Variants in ALDH7A1 observed in about 807,000 individuals in gnomAD.
The protein encoded by ALDH7A1 is aldehyde dehydrogenase 7 family member A1.
ALDH7A1 carries 63 observed loss-of-function variants against 79.9 expected under a neutral mutation model. That is an observed-to-expected ratio of 0.79 (90% CI 0.64 to 0.97). ALDH7A1 has a LOEUF of 0.97. ALDH7A1 is among the 50% of genes least tolerant of loss of function. The probability of loss-of-function intolerance (pLI) is 0.00; values close to 1 mark genes in which losing one functional copy is unlikely to be tolerated. For synonymous variants in ALDH7A1, 240 were observed against 231.2 expected, an observed-to-expected ratio of 1.04 and a Z score of -0.34; for missense variants, 627 against 665.2, an observed-to-expected ratio of 0.94 and a Z score of 0.63.
At chr5:126,556,488 C>G (rs1222691054) in intron 11 of ALDH7A1, among the ~76,000 whole-genome samples, 1 of 152,158 alleles carries the variant, frequency 6.6e-6, no homozygotes, top group Non-Finnish European at 1.5e-5. Context: ...AGGTGATCCA[C>G]CCACCTCAGT....
chr5:126,549,798 T>C, intron 16 of ALDH7A1, 131 bp downstream of exon 16: 2 of 877,334 alleles, frequency 2.3e-6, no homozygotes, highest in Non-Finnish European at 3.9e-6. Context: ...CTTTTTCAGA[T>C]ATGTTAGATC....
Position 126,554,279 on chromosome 5 carries a change from T to A in ALDH7A1, c.1200+8A>T, listed in dbSNP as rs1750101489. 4.3e-6 allele frequency: 7 copies of A among 1,611,398 alleles called. No homozygotes were observed. The highest frequency in any genetic ancestry group is 5.9e-6 in the Non-Finnish European group (7 of 1,178,002). On this transcript the variant is annotated splice_region_variant and intron_variant, in intron 13 of 17. Transcript: ENST00000409134. ...AGCTGTCACAATTGATCTCAGAGCA[T>A]CCCTTACCTTGCCCCCATAGACCAC...
intron 10 of ALDH7A1, among the ~76,000 whole-genome samples, chr5:126,560,121 C>A (rs918633814): frequency 6.6e-6 from 1 of 152,068 alleles, no homozygotes; most frequent in Non-Finnish European, 1.5e-5. Context: ...CAGTACCCGG[C>A]AGACACTAGT....
chr5:126,573,656 C>T (rs929969690), intron 7 of ALDH7A1, among the ~76,000 whole-genome samples: 44 of 150,624 alleles, frequency 2.9e-4, no homozygotes, highest in Non-Finnish European at 5.6e-4. Context: ...CGAGATCGCA[C>T]CACTGCACTC....
At chr5:126,570,015 T>C (rs1750720557) in intron 8 of ALDH7A1, 1 of 152,282 alleles carries the variant, frequency 6.6e-6, no homozygotes, top group East Asian at 1.9e-4. Context: ...GTCATCTTAA[T>C]ATCATGCCAA....
rs1284015601 is a variant in ALDH7A1 at position 126,593,360 on chromosome 5, T to C, written c.237A>G (p.Arg79=). Residue 79 remains arginine (R), a synonymous_variant, in exon 2 of 18, where the codon AGA becomes AGG. Transcript: ENST00000409134. ...YCPANNEPIA[R]VRQASVADYE... is the part of the protein sequence containing the mutation. ...ACACACACACTCTTACCTGTCGGACTCTTGCTATTGGCTCGTTGTTAGCAG... is the reference window on the plus strand; with the variant it reads ...ACACACACACTCTTACCTGTCGGACCCTTGCTATTGGCTCGTTGTTAGCAG... 2 of 1,611,402 alleles carry C rather than the reference T, an allele frequency of 1.2e-6. No homozygotes were observed. Among genetic ancestry groups the C allele is most frequent in the South Asian group, 2.2e-5 (2 of 90,952 alleles).
At chr5:126,559,114 T>C (rs1230331006) in intron 11 of ALDH7A1, 126 bp downstream of exon 11, 4 of 774,052 alleles carry the variant, frequency 5.2e-6, no homozygotes, top group African/African-American at 5.1e-5. Flanking sequence ...CTGGACCACA[T>C]ATTTGCCAGC....
chr5:126,584,444 A>G (rs60755977), intron 3 of ALDH7A1: 84,830 of 205,538 alleles, frequency 0.41, 22,973 homozygotes, highest in African/African-American at 0.83. Context: ...GGCAGATCAC[A>G]AGGTCAGGAG....
At chr5:126,545,040 A>T (rs941060223) in intron 17 of ALDH7A1, 21 bp from the exon 18 acceptor site, 10 of 1,554,084 alleles carry the variant, frequency 6.4e-6, no homozygotes, top group Non-Finnish European at 8.9e-6. Flanking sequence ...AAAATAACAG[A>T]ATTAATGACA....
chr5:126,568,221 G>C, intron 9 of ALDH7A1, 38 bp downstream of exon 9: 1 of 1,586,532 alleles, frequency 6.3e-7, no homozygotes, highest in South Asian at 1.1e-5. Context: ...CTCCATATTT[G>C]AGAGAATTAA....
intron 10 of ALDH7A1, 104 bp from the exon 11 acceptor site, chr5:126,559,438 T>C: frequency 1.3e-6 from 1 of 789,060 alleles, no homozygotes; most frequent in Non-Finnish European, 2.0e-6. Flanking sequence ...GTTTTGGTTT[T>C]TTTTTTTTTT....
chr5:126,549,207 C>T (rs901756678), intron 16 of ALDH7A1, among the ~76,000 whole-genome samples: 1 of 151,574 alleles, frequency 6.6e-6, no homozygotes, highest in Non-Finnish European at 1.5e-5. Flanking sequence ...CAGTGGAGTG[C>T]AGGGGCAAGG....
intron 3 of ALDH7A1, chr5:126,586,713 T>A (rs929894275): frequency 5.3e-5 from 8 of 152,158 alleles, no homozygotes; most frequent in African/African-American, 1.9e-4. Context: ...TGTGAAGAGG[T>A]AGGCAAAGTG....
intron 5 of ALDH7A1, chr5:126,581,177 C>G (rs1581393093): frequency 1.3e-5 from 2 of 151,758 alleles, no homozygotes; most frequent in East Asian, 3.9e-4. Context: ...GTTAAAACCT[C>G]AGAGTATAAG....
At chr5:126,556,400 A>G (rs1343308177) in intron 11 of ALDH7A1, among the ~76,000 whole-genome samples, 13 of 151,402 alleles carry the variant, frequency 8.6e-5, no homozygotes, top group Admixed American at 8.6e-4. Flanking sequence ...CCACCACCAC[A>G]CCTGGCTAAT....
chr5:126,565,833 G>A (rs775953927), intron 9 of ALDH7A1, among the ~76,000 whole-genome samples: 1 of 152,182 alleles, frequency 6.6e-6, no homozygotes, highest in Non-Finnish European at 1.5e-5. Flanking sequence ...AGTACCATTT[G>A]TTAAAAAGAC....
chr5:126,564,676 T>G, intron 9 of ALDH7A1: 13 of 603,538 alleles, frequency 2.2e-5, no homozygotes, highest in South Asian at 8.6e-5. Flanking sequence ...ACACCAACTC[T>G]AGTCTCTGCT....
chr5:126,555,983 T>C lies in ALDH7A1; in HGVS notation c.1041A>G (p.Val347=), dbSNP rs1043301383. 1.2e-6 allele frequency: 2 copies of C among 1,613,654 alleles called. No individual in the cohort carries two copies. The highest frequency in any genetic ancestry group is 8.5e-7 in the Non-Finnish European group (1 of 1,179,700). ...FIHESIHDEV[V]NRLKKAYAQI... ...GTGCATAGGCCTTTTTAAGTCTGTT[T>C]ACAACCTCATCATGGATGCTTTCAT... The change falls in exon 12 of 18, where the codon GTA becomes GTG. Residue 347 remains valine, a synonymous_variant. Transcript: ENST00000409134.
At chr5:126,572,360 CTCCG>C (rs1750804807) in intron 7 of ALDH7A1, among the ~76,000 whole-genome samples, 1 of 152,214 alleles carries the variant, frequency 6.6e-6, no homozygotes, top group Admixed American at 6.5e-5. Flanking sequence ...TTCCCAGGGA[CTCCG>C]GGTGTCTATA....
Sources: gnomAD v4.1 joint callset for allele counts (sites outside exome capture counted in the v4.1 genomes callset) on GRCh38, gnomAD v4.1.1 for gene constraint, MANE v1.5 for transcripts, NCBI Gene and HGNC (gene_info 2026-07-23, HGNC 2026-07-21) for gene names.